RHOBTB2: variants seen among roughly 807,000 people sequenced by gnomAD.
RHOBTB2 encodes the protein Rho related BTB domain containing 2.
A neutral mutation model predicts 66.5 loss-of-function variants in RHOBTB2; 39 were observed. That is an observed-to-expected ratio of 0.59 (90% CI 0.45 to 0.77). The LOEUF (loss-of-function observed/expected upper bound fraction) is 0.77. RHOBTB2 is among the 30% of genes least tolerant of loss of function. The pLI, the probability that RHOBTB2 is intolerant of heterozygous loss-of-function variation, is 0.00. For missense variants in RHOBTB2, 755 were observed against 999.1 expected (o/e 0.76, Z 3.29); for synonymous variants, 390 against 395.0 (o/e 0.99, Z 0.15).
intron 1 of RHOBTB2, among the ~76,000 whole-genome samples, chr8:23,002,538 A>G (rs539583191): frequency 6.6e-6 from 1 of 152,276 alleles, no homozygotes; most frequent in South Asian, 2.1e-4. Flanking sequence ...CTAAAAATAC[A>G]AAATTAGCCG....
chr8:22,982,132 C>T, the RHOBTB2 span, among the ~76,000 whole-genome samples: 1 of 152,212 alleles, frequency 6.6e-6, no homozygotes, highest in African/African-American at 2.4e-5. Context: ...TTGCAACTAA[C>T]CCAAGTGCAG....
At chr8:23,016,315 G>A (rs932944728) in intron 9 of RHOBTB2, among the ~76,000 whole-genome samples, 10 of 152,070 alleles carry the variant, frequency 6.6e-5, no homozygotes, top group East Asian at 1.9e-4. Flanking sequence ...CCAGTCTGCC[G>A]TGACCCTCCT....
chr8:22,995,971 T>G (rs1810541467), upstream of RHOBTB2: 16 of 1,259,362 alleles, frequency 1.3e-5, no homozygotes, highest in Non-Finnish European at 1.8e-5. Flanking sequence ...CCAGGCGGTC[T>G]GCGTTGGGCT....
chr8:22,969,435 A>C, the RHOBTB2 span, among the ~76,000 whole-genome samples: 1 of 152,256 alleles, frequency 6.6e-6, no homozygotes, highest in East Asian at 1.9e-4. Flanking sequence ...ATTATAAACC[A>C]ATAAGAACAA....
the RHOBTB2 span, among the ~76,000 whole-genome samples, chr8:22,979,742 C>CT: frequency 0.042 from 3,526 of 84,088 alleles, 430 homozygotes; most frequent in African/African-American, 0.14. Context: ...TCTTTTCTTT[C>CT]TTTTTTTTTT....
At chr8:22,995,671 GCTC>G (rs1810531268), upstream of RHOBTB2, among the ~76,000 whole-genome samples, 1 of 152,238 alleles carries the variant, frequency 6.6e-6, no homozygotes, top group Admixed American at 6.5e-5. Context: ...TCCAGATTCA[GCTC>G]CTTCACCCTG....
chr8:23,013,323 CCTCTCCCTCCTCTCTCACAGACCCCT>C (rs1284531828), intron 7 of RHOBTB2, among the ~76,000 whole-genome samples: 1 of 152,016 alleles, frequency 6.6e-6, no homozygotes, highest in African/African-American at 2.4e-5. Context: ...AAGTCCTCCA[CCTCTCCCTCCTCTCTCACAGACCCCT>C]CTCTCCTCCC....
the RHOBTB2 span, among the ~76,000 whole-genome samples, chr8:22,969,787 C>A: frequency 6.6e-6 from 1 of 152,308 alleles, no homozygotes; most frequent in East Asian, 1.9e-4. Flanking sequence ...GGGTCTCACT[C>A]GTCATCTAGG....
chr8:22,989,979 T>A (rs1810384449), intron 1 of RHOBTB2, among the ~76,000 whole-genome samples: 1 of 152,152 alleles, frequency 6.6e-6, no homozygotes, highest in African/African-American at 2.4e-5. Flanking sequence ...AGTTCCTCCA[T>A]CTCATAGGAT....
chr8:23,005,996 C>G lies in RHOBTB2; in HGVS notation c.333C>G (p.Asn111Lys). 6.2e-7 allele frequency: 1 copy of G among 1,614,022 alleles called. No individual in the cohort carries two copies. ...DVVVLCFSIA[N>K]PNSLHHVKTM... is the part of the protein sequence containing the mutation. ...TGGTTCTGTGCTTCTCCATTGCCAA[C>G]CCCAATTCCCTCCACCATGTCAAGA... Residue 111 changes from asparagine (N) to lysine (K), a missense_variant, in exon 4 of 10, where the codon AAC becomes AAG. Physicochemically the swap from Asn to Lys is moderately conservative, Grantham distance 94 (BLOSUM62 0). Coordinates refer to ENST00000251822, the MANE Select transcript of RHOBTB2 (RefSeq NM_015178.3).
At chr8:22,988,427 G>T (rs1810341146) in intron 1 of RHOBTB2, among the ~76,000 whole-genome samples, 2 of 152,022 alleles carry the variant, frequency 1.3e-5, no homozygotes, top group South Asian at 4.1e-4. Context: ...CTCCCAAAGT[G>T]TTGGGATTAC....
chr8:22,968,477 A>T, the RHOBTB2 span, among the ~76,000 whole-genome samples: 10 of 152,148 alleles, frequency 6.6e-5, no homozygotes, highest in African/African-American at 1.9e-4. Context: ...TTCCAGTCAA[A>T]ATTTTGAGTT....
At chr8:22,977,746 G>C in the RHOBTB2 span, 10 of 152,000 alleles carry the variant, frequency 6.6e-5, no homozygotes, top group Non-Finnish European at 1.0e-4. Context: ...AAAATGTGTG[G>C]GGACATATTG....
upstream of RHOBTB2, among the ~76,000 whole-genome samples, chr8:22,986,177 T>C (rs59842239): frequency 0.093 from 14,040 of 150,962 alleles, 1,712 homozygotes; most frequent in African/African-American, 0.28. Context: ...TCTTTCGTAT[T>C]TAACTGATGA....
upstream of RHOBTB2, among the ~76,000 whole-genome samples, chr8:22,997,667 G>A (rs1375040078): frequency 2.6e-5 from 4 of 152,284 alleles, no homozygotes; most frequent in South Asian, 2.1e-4. Context: ...TTGGGTGGAC[G>A]GGAGTTCTGT....
chr8:23,007,360 G>A lies in RHOBTB2; in HGVS notation c.1115G>A (p.Arg372Gln), dbSNP rs142645813. Residue 372 changes from arginine (R) to glutamine (Q), a missense_variant, in exon 5 of 10, where the codon CGG becomes CAG. Around this residue, in one of 7 missense-constraint regions of RHOBTB2, gnomAD observed 247 missense variants for 238.9 expected, o/e 1.03. Coordinates refer to ENST00000251822, the MANE Select transcript of RHOBTB2 (RefSeq NM_015178.3). ...GCTTCCACCAGCGACGGGATCTTAC[G>A]GGGCAACGGAACAGGGTACCTACCG... Reference protein sequence around the residue: ...LRASTSDGILRGNGTGYLPGR... With the variant: ...LRASTSDGILQGNGTGYLPGR... 1.7e-5 allele frequency: 28 copies of A among 1,613,782 alleles called. No individual in the cohort carries two copies. In the African/African-American group the frequency reaches 2.4e-4, roughly 14 times the overall value.
At chr8:22,955,252 A>G in the RHOBTB2 span, among the ~76,000 whole-genome samples, 1 of 152,234 alleles carries the variant, frequency 6.6e-6, no homozygotes, top group Non-Finnish European at 1.5e-5. Flanking sequence ...TCAACAACCC[A>G]GCAAAAGCGG....
the RHOBTB2 span, among the ~76,000 whole-genome samples, chr8:22,951,303 G>C: frequency 2.4e-5 from 3 of 123,566 alleles, no homozygotes; most frequent in Admixed American, 2.1e-4. Context: ...CCAGGCTGGA[G>C]TGCAGTGGCG....
At chr8:22,976,799 T>C in the RHOBTB2 span, among the ~76,000 whole-genome samples, 3 of 152,130 alleles carry the variant, frequency 2.0e-5, no homozygotes, top group South Asian at 6.2e-4. Flanking sequence ...ATAGGTTTTT[T>C]TTTTTTAAGT....
Sources: allele counts gnomAD v4.1 joint callset (sites outside exome capture counted in the v4.1 genomes callset), GRCh38; gene constraint gnomAD v4.1.1; regional missense constraint gnomAD v4.1.1; transcripts MANE v1.5; gene names NCBI Gene and HGNC (gene_info 2026-07-23, HGNC 2026-07-21).